Variants in VANGL2 observed in about 807,000 individuals in gnomAD.
VANGL2 encodes the protein vang-like protein 2.
In VANGL2, 14 loss-of-function variants were observed where a neutral mutation model predicts 50.2. The ratio of observed to expected loss-of-function variants is 0.28; its 90% CI spans 0.18 to 0.44. The LOEUF (loss-of-function observed/expected upper bound fraction) is 0.44, where lower values mean the gene tolerates loss of function less well. VANGL2 is among the 20% of genes least tolerant of loss of function. The probability of loss-of-function intolerance (pLI) is 1.00; values close to 1 mark genes in which losing one functional copy is unlikely to be tolerated. For missense variants in VANGL2, 533 were observed against 701.5 expected (o/e 0.76, Z 2.71); for synonymous variants, 295 against 297.2 (o/e 0.99, Z 0.08).
rs41266895 is a variant in VANGL2, at chr1:160,426,376, C to T, written c.*998C>T. On this transcript the variant is annotated 3_prime_UTR_variant, in exon 8 of 8. Transcript: ENST00000368061. ...CCCCTGTCCTGCCGCCTTCTCTCGA[C>T]TCCAGAGACCTGTTGCCTCATCTCT... 1,361 of 152,900 alleles carry T rather than the reference C, an allele frequency of 8.9e-3. 8 individuals are homozygous for T. Among genetic ancestry groups the T allele is most frequent in the South Asian group, 0.017 (83 of 4,838 alleles). The allele number at this position is 152,900 out of a possible 1,614,324, so 9.5% of individuals were successfully genotyped here.
chr1:160,408,614 C>T (rs911038490), intron 1 of VANGL2, among the ~76,000 whole-genome samples: 3 of 152,138 alleles, frequency 2.0e-5, no homozygotes, highest in Non-Finnish European at 2.9e-5. Flanking sequence ...ATCCTGCCCC[C>T]ACCCTGGGGC....
In VANGL2 at chr1:160,421,162, C is replaced by G; in HGVS notation, c.1048C>G (p.Arg350Gly). ...CTACTATGAGGAGGCTGAGCATGAGCGAAGGGTGCGCAAGAGGAGGGCCAG... is the reference window on the plus strand; with the variant it reads ...CTACTATGAGGAGGCTGAGCATGAGGGAAGGGTGCGCAAGAGGAGGGCCAG... ...EYYYEEAEHE[R>G]RVRKRRARLV... Residue 350 changes from arginine (R) to glycine (G), a missense_variant, in exon 6 of 8, where the codon CGA becomes GGA. By Grantham distance (125) the Arg-to-Gly change is moderately radical. Transcript: ENST00000368061. The G allele has an allele frequency of 6.2e-7, 1 of 1,613,620 alleles. No individual in the cohort carries two copies. The highest frequency in any genetic ancestry group is 8.5e-7 in the Non-Finnish European group (1 of 1,180,012).
In VANGL2 at chr1:160,419,909, T is replaced by G. The variant is rs1651207732; in HGVS notation, c.800+300T>G. ...ACCAAAGGGAAGAAATATGGGGGGG[T>G]GCACAAACAGGGGCTTTTTGGAATC... is the stretch of plus-strand genomic sequence containing the variant. On this transcript the variant is annotated intron_variant, in intron 4 of 7. Transcript: ENST00000368061. The surrounding 1 kb of genome is among the most constrained non-coding windows in gnomAD (Gnocchi z 5.8). Among the ~76,000 whole-genome samples, 3 of 144,054 alleles carry G rather than the reference T, an allele frequency of 2.1e-5. No individual in the cohort carries two copies. The highest frequency in any genetic ancestry group is 5.1e-5 in the African/African-American group (2 of 39,242). 94.5% of individuals were successfully genotyped at this position (144,054 alleles called of 152,430 possible). A position where few individuals can be genotyped will look rare whatever the true frequency, so the allele number is the denominator to read the frequency against.
chr1:160,420,782 G>A (rs538411966), intron 5 of VANGL2, among the ~76,000 whole-genome samples: 1 of 152,310 alleles, frequency 6.6e-6, no homozygotes, highest in African/African-American at 2.4e-5. Context: ...TCTCTCATCA[G>A]CCCTGGTCTA....
rs990644900 is a variant in VANGL2, at chr1:160,410,831, C to T, written c.-190-4817C>T. 5.9e-5 allele frequency among the ~76,000 whole-genome samples: 9 copies of T among 152,204 alleles called. No homozygotes were observed. The East Asian group carries it at 7.7e-4, about 13-fold the overall frequency. On this transcript the variant is annotated intron_variant, in intron 1 of 7. Transcript: ENST00000368061. ...CCAGAGCTCAGACAAAAGCTGGGGC[C>T]GCCAGAGGAGAAACCCCATTCTCTC...
At position 160,419,802 on chromosome 1, in the gene VANGL2, C is replaced by G. The variant is rs1371011169; in HGVS notation, c.800+193C>G. Among the ~76,000 whole-genome samples, 1 of 148,510 alleles carries G rather than the reference C, an allele frequency of 6.7e-6. No individual in the cohort carries two copies. The stretch of plus-strand genomic sequence containing the variant: ...TGCTTGATAGGCAGGTTCATGTACA[C>G]GGTCTTGGGGCAAGATCAGTTGGGA... On this transcript the variant is annotated intron_variant, in intron 4 of 7. Transcript: ENST00000368061. The surrounding 1 kb of genome is among the most constrained non-coding windows in gnomAD (Gnocchi z 5.8).
At position 160,421,235 on chromosome 1, in the gene VANGL2, G is replaced by A. The variant is rs569020427; in HGVS notation, c.1073+48G>A. ...GAGAGGAGGTGCTTGTTGGGTGAAT[G>A]GGGAGAGGAAGACCAAGGAACTTCT... On this transcript the variant is annotated intron_variant, in intron 6 of 7. Coordinates refer to ENST00000368061, the MANE Select transcript of VANGL2 (RefSeq NM_020335.3). 1.9e-6 allele frequency: 3 copies of A among 1,608,572 alleles called. No homozygotes were observed. In the South Asian group the frequency reaches 3.3e-5, roughly 18 times the overall value.
At position 160,419,049 on chromosome 1, in the gene VANGL2, G is replaced by T; in HGVS notation, c.240G>T (p.Glu80Asp). 1 of 1,612,492 alleles carries T rather than the reference G, an allele frequency of 6.2e-7. No individual in the cohort carries two copies. The highest frequency in any genetic ancestry group is 8.5e-7 in the Non-Finnish European group (1 of 1,178,718). The stretch of plus-strand genomic sequence containing the variant: ...CGACAGTAGTAACGGGCACCTCAGA[G>T]CACAGCATCTCCCATGATGACCTCA... ...ETTTVVTGTSEHSISHDDLTR... is the reference protein window; with the variant it reads ...ETTTVVTGTSDHSISHDDLTR... Residue 80 changes from glutamate (E) to aspartate (D), a missense_variant, in exon 4 of 8, where the codon GAG becomes GAT. Physicochemically the swap from Glu to Asp is conservative, Grantham distance 45. Coordinates refer to ENST00000368061, the MANE Select transcript of VANGL2 (RefSeq NM_020335.3). This position sits in a 1 kb window ranked among gnomAD's most constrained non-coding sequence, Gnocchi z 5.8.
chr1:160,424,999 T>G, intron 7 of VANGL2, 119 bp from the exon 8 acceptor site: 1 of 1,396,742 alleles, frequency 7.2e-7, no homozygotes, highest in Non-Finnish European at 1.0e-6. Flanking sequence ...AGGTTCTAGT[T>G]CATATGCATA....
intron 1 of VANGL2, among the ~76,000 whole-genome samples, chr1:160,413,465 T>C (rs971199192): frequency 1.8e-4 from 28 of 152,066 alleles, no homozygotes; most frequent in African/African-American, 6.8e-4. Context: ...GGTTTCATCA[T>C]CTTGGCCAGG....
intron 1 of VANGL2, among the ~76,000 whole-genome samples, chr1:160,414,625 C>G (rs1245152945): frequency 1.3e-5 from 2 of 152,116 alleles, no homozygotes; most frequent in Admixed American, 1.3e-4. Context: ...ACTGTAAACT[C>G]AGGGTCTGTT....
At position 160,415,856 on chromosome 1, in the gene VANGL2, T is replaced by C. The variant is rs1057436585; in HGVS notation, c.19T>C (p.Tyr7His). Residue 7 changes from tyrosine to histidine, a missense_variant, in exon 2 of 8, where the codon TAC becomes CAC. By Grantham distance (83) the Tyr-to-His change is moderately conservative. Coordinates refer to ENST00000368061, the MANE Select transcript of VANGL2 (RefSeq NM_020335.3). ...AGACGCCATGGACACCGAGTCCCAG[T>C]ACTCGGGCTATTCCTACAAGTCGGG... The part of the protein sequence containing the change: MDTESQ[Y>H]SGYSYKSGHS... 3 of 1,613,908 alleles carry C rather than the reference T, an allele frequency of 1.9e-6. No homozygotes were observed. The highest frequency in any genetic ancestry group is 3.3e-4 in the Middle Eastern group (2 of 6,058).
chr1:160,421,911 C>T (rs756225973), intron 6 of VANGL2, among the ~76,000 whole-genome samples: 2 of 152,148 alleles, frequency 1.3e-5, no homozygotes, highest in Non-Finnish European at 2.9e-5. Flanking sequence ...CAAAAAATGA[C>T]GTTTTATTGC....
chr1:160,420,908 C>T (rs1032466313), intron 5 of VANGL2, 144 bp from the exon 6 acceptor site: 30 of 1,255,886 alleles, frequency 2.4e-5, no homozygotes, highest in Non-Finnish European at 3.0e-5. Context: ...CAGAGGTGGC[C>T]AGGAGGGTTG....
At chr1:160,416,702 A>G (rs1651073580) in intron 3 of VANGL2, among the ~76,000 whole-genome samples, 1 of 152,112 alleles carries the variant, frequency 6.6e-6, no homozygotes, top group Non-Finnish European at 1.5e-5. Flanking sequence ...GGGATGGAGC[A>G]GGGACCCCAG....
intron 1 of VANGL2, among the ~76,000 whole-genome samples, chr1:160,408,018 C>A (rs1243018636): frequency 3.3e-5 from 5 of 152,234 alleles, no homozygotes; most frequent in African/African-American, 7.2e-5. Flanking sequence ...CTCCTGCAGC[C>A]TTTCCACCCC....
At chr1:160,414,219 C>A (rs887558368) in intron 1 of VANGL2, among the ~76,000 whole-genome samples, 1 of 152,186 alleles carries the variant, frequency 6.6e-6, no homozygotes, top group Non-Finnish European at 1.5e-5. Flanking sequence ...TTTCCTGTGG[C>A]CTTAGAATAA....
chr1:160,407,697 C>T (rs897089981), intron 1 of VANGL2, among the ~76,000 whole-genome samples: 5 of 152,162 alleles, frequency 3.3e-5, no homozygotes. Flanking sequence ...GTACAGGACA[C>T]TCACTGACTT....
At chr1:160,409,952 C>A (rs1650817811) in intron 1 of VANGL2, among the ~76,000 whole-genome samples, 1 of 152,110 alleles carries the variant, frequency 6.6e-6, no homozygotes, top group South Asian at 2.1e-4. Flanking sequence ...ACATGCATAC[C>A]CCTGCCCACG....
Sources: gnomAD v4.1 joint callset for allele counts (sites outside exome capture counted in the v4.1 genomes callset) on GRCh38, gnomAD v4.1.1 for gene constraint, Gnocchi (gnomAD v3.1) non-coding constraint, MANE v1.5 for transcripts, NCBI Gene and HGNC (gene_info 2026-07-23, HGNC 2026-07-21) for gene names.